RMST: variants seen among roughly 807,000 people sequenced by gnomAD.
RMST encodes rhabdomyosarcoma 2 associated transcript.
intron 5 of RMST, chr12:97,483,590 T>TA (rs1313682240): frequency 8.5e-5 from 13 of 152,322 alleles, no homozygotes; most frequent in Middle Eastern, 3.4e-3. Context: ...CTCGATGATT[T>TA]AAAAAACTTG....
chr12:97,468,245 C>A (rs1375586204), intron 5 of RMST, among the ~76,000 whole-genome samples: 2 of 151,826 alleles, frequency 1.3e-5, no homozygotes, highest in Non-Finnish European at 2.9e-5. Flanking sequence ...AAAAGTTATC[C>A]TAAAAAGCTT....
At chr12:97,547,132 TGGA>T (rs1418668719) in intron 11 of RMST, among the ~76,000 whole-genome samples, 1 of 151,008 alleles carries the variant, frequency 6.6e-6, no homozygotes, top group Non-Finnish European at 1.5e-5. Flanking sequence ...GGAGGTCAAC[TGGA>T]GGATGACCTC....
At chr12:97,470,292 G>A (rs1315989504) in intron 5 of RMST, among the ~76,000 whole-genome samples, 1 of 152,054 alleles carries the variant, frequency 6.6e-6, no homozygotes, top group Non-Finnish European at 1.5e-5. Context: ...TACTGGCTAA[G>A]AGTTCAGGGT....
At chr12:97,482,740 TTATTTATTTATTAAATAAATTTA>T (rs1465414394) in intron 5 of RMST, among the ~76,000 whole-genome samples, 9 of 142,050 alleles carry the variant, frequency 6.3e-5, no homozygotes, top group South Asian at 2.1e-4. Flanking sequence ...TAAATTTATA[TTATTTATTTATTAAATAAATTTA>T]TATTATTTAT....
chr12:97,497,053 T>C (rs960651650), intron 10 of RMST, among the ~76,000 whole-genome samples: 4 of 152,158 alleles, frequency 2.6e-5, no homozygotes, highest in Non-Finnish European at 5.9e-5. Flanking sequence ...AGCCTCTTCT[T>C]TCCCTGGAGT....
chr12:97,488,682 G>A (rs1174575359), intron 5 of RMST, among the ~76,000 whole-genome samples: 1 of 152,124 alleles, frequency 6.6e-6, no homozygotes, highest in East Asian at 1.9e-4. Flanking sequence ...TAGCTTCTGG[G>A]CCTCTGGGGT....
intron 8 of RMST, among the ~76,000 whole-genome samples, chr12:97,494,539 A>T (rs1877200649): frequency 6.6e-6 from 1 of 152,148 alleles, no homozygotes; most frequent in Non-Finnish European, 1.5e-5. Flanking sequence ...AACAGAGACC[A>T]CATCGCTATA....
At chr12:97,500,464 C>T (rs1877961107) in intron 10 of RMST, among the ~76,000 whole-genome samples, 1 of 152,184 alleles carries the variant, frequency 6.6e-6, no homozygotes, top group South Asian at 2.1e-4. Context: ...AAGACACTTC[C>T]AATAATAATG....
chr12:97,524,076 A>AGAGAAAAAAAAAAAAAAAC (rs1555232791), intron 10 of RMST, among the ~76,000 whole-genome samples: 1 of 23,222 alleles, frequency 4.3e-5, no homozygotes. Flanking sequence ...ACTCTGTCTC[A>AGAGAAAAAAAAAAAAAAAC]AAAAAAAAAA....
At chr12:97,467,245 CAT>C (rs374317769) in intron 5 of RMST, among the ~76,000 whole-genome samples, 73 of 152,092 alleles carry the variant, frequency 4.8e-4, no homozygotes, top group African/African-American at 1.7e-3. Context: ...TTACCAGGAA[CAT>C]CTTTGCACCT....
At chr12:97,561,255 G>A (rs141708206) in intron 13 of RMST, among the ~76,000 whole-genome samples, 3 of 152,200 alleles carry the variant, frequency 2.0e-5, no homozygotes, top group Admixed American at 6.5e-5. Context: ...CAATTTAGGC[G>A]GAAAGGCTCT....
intron 10 of RMST, chr12:97,530,441 A>G (rs1881523916): frequency 6.6e-6 from 1 of 152,050 alleles, no homozygotes; most frequent in South Asian, 2.1e-4. Flanking sequence ...CTGCTCCGAG[A>G]CAGCTGGTGA....
intron 5 of RMST, among the ~76,000 whole-genome samples, chr12:97,471,271 G>C (rs989707167): frequency 2.9e-4 from 44 of 152,060 alleles, no homozygotes; most frequent in Non-Finnish European, 1.2e-4. Context: ...TGTAGCGTGT[G>C]TTAATTTTCC....
chr12:97,545,541 T>C (rs1875621367), intron 11 of RMST, among the ~76,000 whole-genome samples: 1 of 152,106 alleles, frequency 6.6e-6, no homozygotes, highest in Non-Finnish European at 1.5e-5. Context: ...CCTTAAGGAA[T>C]GTGAATATTC....
chr12:97,494,489 G>T (rs1593176109), intron 8 of RMST, among the ~76,000 whole-genome samples: 1 of 152,120 alleles, frequency 6.6e-6, no homozygotes, highest in East Asian at 1.9e-4. Flanking sequence ...ATTTGAGGCT[G>T]CAGTGAGCTA....
chr12:97,464,602 T>A (rs1235293060), intron 4 of RMST, among the ~76,000 whole-genome samples: 1 of 152,126 alleles, frequency 6.6e-6, no homozygotes. Flanking sequence ...TGCAGGGTGA[T>A]CTAATCTTTT....
chr12:97,463,017 G>GTCTCTCTATCTCTCTCTC (rs1555228361), intron 3 of RMST: 17 of 129,898 alleles, frequency 1.3e-4, no homozygotes, highest in Non-Finnish European at 2.8e-4. Flanking sequence ...CAAGTCAGCA[G>GTCTCTCTATCTCTCTCTC]TCTCTCTCTC....
chr12:97,478,298 A>G (rs574328731), intron 5 of RMST, among the ~76,000 whole-genome samples: 1 of 152,354 alleles, frequency 6.6e-6, no homozygotes, highest in African/African-American at 2.4e-5. Flanking sequence ...TTGCTTCAGT[A>G]TCTATAAAAC....
intron 5 of RMST, among the ~76,000 whole-genome samples, chr12:97,476,784 T>A (rs1301828328): frequency 6.6e-6 from 1 of 152,016 alleles, no homozygotes; most frequent in Admixed American, 6.6e-5. Context: ...ACTTGAGGGG[T>A]TGAAGATCTA....
Sources: gnomAD v4.1 joint callset for allele counts (sites outside exome capture counted in the v4.1 genomes callset) on GRCh38, gnomAD v4.1.1 for gene constraint, MANE v1.5 for transcripts, NCBI Gene and HGNC (gene_info 2026-07-23, HGNC 2026-07-21) for gene names.